MIPOL1: variants seen among roughly 807,000 people sequenced by gnomAD.
MIPOL1 encodes the protein mirror-image polydactyly gene 1 protein.
MIPOL1 carries 57 observed loss-of-function variants against 60.9 expected under a neutral mutation model. That is an observed-to-expected ratio of 0.94 (90% CI 0.76 to 1.17). The LOEUF is 1.17. MIPOL1 is among the 50% of genes most tolerant of loss of function. MIPOL1 has a pLI of 0.00. For missense variants in MIPOL1, 551 were observed against 511.6 expected (o/e 1.08, Z -0.74); for synonymous variants, 179 against 168.8 (o/e 1.06, Z -0.47).
chr14:37,419,771 C>G (rs1257786037), intron 10 of MIPOL1, among the ~76,000 whole-genome samples: 1 of 151,150 alleles, frequency 6.6e-6, no homozygotes, highest in African/African-American at 2.4e-5. Context: ...GACAGGGTCT[C>G]ACTTTGTCGA....
At chr14:37,199,852 C>T (rs1964944144) in intron 1 of MIPOL1, among the ~76,000 whole-genome samples, 2 of 152,016 alleles carry the variant, frequency 1.3e-5, no homozygotes, top group Non-Finnish European at 2.9e-5. Flanking sequence ...GCGTATATGC[C>T]TACTAGAAAA....
rs567593108 is a variant in MIPOL1, at chr14:37,464,080, A to G, written c.1032-35828A>G. Reference sequence around the variant, plus strand: ...AAGATACCATCTCACACCAGTCAGAATTGCTATTATAAAATGTCAGAAAAC... The same window carrying G: ...AAGATACCATCTCACACCAGTCAGAGTTGCTATTATAAAATGTCAGAAAAC... On this transcript the variant is annotated intron_variant, in intron 11 of 12. Transcript: ENST00000684589. 1.4e-4 allele frequency among the ~76,000 whole-genome samples: 22 copies of G among 152,344 alleles called. No individual in the cohort carries two copies. The South Asian group carries it at 4.6e-3, about 32-fold the overall frequency.
intron 7 of MIPOL1, among the ~76,000 whole-genome samples, chr14:37,301,050 T>C (rs1955940): frequency 0.1 from 1,425 of 14,184 alleles, 648 homozygotes; most frequent in African/African-American, 0.11. Flanking sequence ...TACACACACA[T>C]ATATATATAT....
At position 37,202,313 on chromosome 14, in the gene MIPOL1, T is replaced by TGCA. The variant is rs1965467659; in HGVS notation, c.-199+4209_-199+4210insGCA. Among the ~76,000 whole-genome samples the TGCA allele has an allele frequency of 1.1e-4, 16 of 152,248 alleles. 2 individuals are homozygous for TGCA. Among genetic ancestry groups the TGCA allele is most frequent in the African/African-American group, 3.9e-4 (16 of 41,548 alleles). On this transcript the variant is annotated intron_variant, in intron 1 of 12. Coordinates refer to ENST00000684589, the MANE Select transcript of MIPOL1 (RefSeq NM_001388067.1). Reference sequence around the variant, plus strand: ...ATTTAAGAGGGGCCTCACCTTCCACTATCAATTCATTGCAGTTAAGTAAGC... The same window carrying TGCA: ...ATTTAAGAGGGGCCTCACCTTCCACTGCAATCAATTCATTGCAGTTAAGTAAGC...
At chr14:37,263,672 A>G (rs924576673) in intron 3 of MIPOL1, among the ~76,000 whole-genome samples, 2 of 152,216 alleles carry the variant, frequency 1.3e-5, no homozygotes, top group Non-Finnish European at 2.9e-5. Context: ...ATGATGAAGA[A>G]GAGATTGACA....
At position 37,374,348 on chromosome 14, in the gene MIPOL1, G is replaced by T. The variant is rs561521609; in HGVS notation, c.936+4724G>T. ...ATTCTGTAGGTTGCCTGTTCACTCT[G>T]ATGGTAGTTTCTTTTGCCGTGCAGA... On this transcript the variant is annotated intron_variant, in intron 10 of 12. Coordinates refer to ENST00000684589, the MANE Select transcript of MIPOL1 (RefSeq NM_001388067.1). Among the ~76,000 whole-genome samples, 5 of 152,248 alleles carry T rather than the reference G, an allele frequency of 3.3e-5. No individual in the cohort carries two copies. In the South Asian group the frequency reaches 1.0e-3, roughly 32 times the overall value.
intron 9 of MIPOL1, among the ~76,000 whole-genome samples, chr14:37,310,619 A>C (rs1289392882): frequency 6.6e-6 from 1 of 151,930 alleles, no homozygotes; most frequent in East Asian, 1.9e-4. Flanking sequence ...TTTCTCTCCT[A>C]CTTCATAAAA....
chr14:37,463,576 AC>A (rs1328746906), intron 11 of MIPOL1, among the ~76,000 whole-genome samples: 1 of 152,118 alleles, frequency 6.6e-6, no homozygotes, highest in Non-Finnish European at 1.5e-5. Context: ...GTTAAACTGG[AC>A]CCCTCTCTCT....
At chr14:37,311,691 G>A (rs1297946339) in intron 9 of MIPOL1, among the ~76,000 whole-genome samples, 1 of 152,068 alleles carries the variant, frequency 6.6e-6, no homozygotes, top group Admixed American at 6.6e-5. Context: ...TTCAAAAATA[G>A]TACAATATAG....
In MIPOL1 at chr14:37,541,943, CAT is replaced by C. The variant is rs572287833; in HGVS notation, c.1263-4961_1263-4960del. ...TTCCCATAGTCTATCAACACATTCA[CAT>C]GTTTTCCATTTCTTACAAGACTTCT... On this transcript the variant is annotated intron_variant, in intron 12 of 12. Transcript: ENST00000684589. Among the ~76,000 whole-genome samples the C allele has an allele frequency of 1.3e-3, 203 of 152,338 alleles. 1 individual carries two copies. The highest frequency in any genetic ancestry group is 4.2e-3 in the African/African-American group (176 of 41,586).
At chr14:37,348,684 T>G (rs1048778438) in intron 9 of MIPOL1, among the ~76,000 whole-genome samples, 1 of 151,490 alleles carries the variant, frequency 6.6e-6, no homozygotes. Flanking sequence ...AAAAGGAAAA[T>G]TTTCTTATTA....
chr14:37,211,047 G>A (rs528880278), intron 1 of MIPOL1, among the ~76,000 whole-genome samples: 1 of 152,194 alleles, frequency 6.6e-6, no homozygotes, highest in Admixed American at 6.5e-5. Flanking sequence ...GAAGCAAGAT[G>A]GAGTCAGCCA....
At chr14:37,424,227 GCTAT>G (rs1389621600) in intron 11 of MIPOL1, among the ~76,000 whole-genome samples, 11 of 152,158 alleles carry the variant, frequency 7.2e-5, no homozygotes, top group African/African-American at 2.7e-4. Context: ...CCTAACCCCT[GCTAT>G]CTGAGAATGT....
At chr14:37,372,754 C>A (rs79274765) in intron 10 of MIPOL1, among the ~76,000 whole-genome samples, 627 of 131,792 alleles carry the variant, frequency 4.8e-3, no homozygotes, top group Admixed American at 5.6e-3. Flanking sequence ...GACTCCGTCT[C>A]AAAAAAAAAA....
At chr14:37,284,950 G>A (rs1305357236) in intron 6 of MIPOL1, among the ~76,000 whole-genome samples, 14 of 152,092 alleles carry the variant, frequency 9.2e-5, no homozygotes. Context: ...ACCAAAGAGG[G>A]GATTTGCTAG....
At chr14:37,289,207 T>G (rs573487568) in intron 7 of MIPOL1, among the ~76,000 whole-genome samples, 2 of 152,344 alleles carry the variant, frequency 1.3e-5, no homozygotes, top group African/African-American at 4.8e-5. Flanking sequence ...TTTTCTCTTA[T>G]TCAACACAAC....
chr14:37,385,338 G>A (rs2093035594), intron 10 of MIPOL1, among the ~76,000 whole-genome samples: 1 of 152,064 alleles, frequency 6.6e-6, no homozygotes, highest in Admixed American at 6.6e-5. Context: ...TACTTATTCT[G>A]AGGTGTTGAA....
intron 11 of MIPOL1, among the ~76,000 whole-genome samples, chr14:37,428,480 C>T (rs1374120752): frequency 4.0e-5 from 6 of 151,822 alleles, no homozygotes; most frequent in South Asian, 2.1e-4. Flanking sequence ...CCCAGCTACT[C>T]GGGAGGCTGA....
intron 7 of MIPOL1, among the ~76,000 whole-genome samples, chr14:37,289,718 A>G (rs1377602097): frequency 6.6e-6 from 1 of 152,142 alleles, no homozygotes; most frequent in Non-Finnish European, 1.5e-5. Flanking sequence ...ACTTCATTAC[A>G]TAGGCATGAT....
Sources: allele counts gnomAD v4.1 joint callset (sites outside exome capture counted in the v4.1 genomes callset), GRCh38; gene constraint gnomAD v4.1.1; transcripts MANE v1.5; gene names NCBI Gene and HGNC (gene_info 2026-07-23, HGNC 2026-07-21).